The following RP1 variants were observed in gnomAD, a reference collection of about 807,000 sequenced individuals.
RP1 encodes the protein RP1 axonemal microtubule associated.
A neutral mutation model predicts 14.8 loss-of-function variants in RP1; 16 were observed. The observed-to-expected ratio is 1.08, with a 90% CI of 0.73 to 1.65. The LOEUF (loss-of-function observed/expected upper bound fraction) is 1.65, where lower values mean the gene tolerates loss of function less well. Ranked by LOEUF, RP1 falls within the 40% of genes most tolerant of loss-of-function variation. The pLI, the probability that RP1 is intolerant of heterozygous loss-of-function variation, is 0.00. For synonymous variants in RP1, 876 were observed against 883.6 expected, an observed-to-expected ratio of 0.99 and a Z score of 0.15; for missense variants, 2,631 against 2,535.0, an observed-to-expected ratio of 1.04 and a Z score of -0.81.
At chr8:54,581,835 C>G (rs938717892) in intron 1 of RP1, among the ~76,000 whole-genome samples, 24 of 152,096 alleles carry the variant, frequency 1.6e-4, no homozygotes, top group Non-Finnish European at 4.4e-5. Context: ...TATCCTTTGC[C>G]CACTTGTTGA....
chr8:54,660,312 A>C (rs1806857895), intron 6 of RP1, among the ~76,000 whole-genome samples: 1 of 152,086 alleles, frequency 6.6e-6, no homozygotes, highest in African/African-American at 2.4e-5. Flanking sequence ...GTTAGCTGTG[A>C]GCTTTTTATA....
At chr8:54,656,118 T>A in exon 6 of RP1, 1 of 1,534,416 alleles carries the variant, frequency 6.5e-7, no homozygotes, top group Non-Finnish European at 8.7e-7. Flanking sequence ...GAAAACAGTT[T>A]TATGTACCTG....
rs1263750845 is a variant in RP1 at position 54,621,533 on chromosome 8, G to A, written c.567G>A (p.Glu189=). The A allele has an allele frequency of 1.9e-6, 3 of 1,614,208 alleles. No homozygotes were observed. Among genetic ancestry groups the A allele is most frequent in the African/African-American group, 1.3e-5 (1 of 75,066 alleles). Reference sequence around the variant, plus strand: ...AGGCATTTCTACAGCACCTGACAGAGGTCATGCAGCGCCCTGTGGTCAAGC... The same window carrying A: ...AGGCATTTCTACAGCACCTGACAGAAGTCATGCAGCGCCCTGTGGTCAAGC... The part of the protein sequence containing the change: ...SFEAFLQHLT[E]VMQRPVVKLY... The change falls in exon 2 of 4, where the codon GAG becomes GAA. Residue 189 remains glutamate, a synonymous_variant. Coordinates refer to ENST00000220676, the MANE Select transcript of RP1 (RefSeq NM_006269.2).
At chr8:54,696,852 T>A in intron 12 of RP1, 1 of 754,358 alleles carries the variant, frequency 1.3e-6, no homozygotes, top group South Asian at 1.4e-5. Context: ...CAGTAACTCA[T>A]TTTGAAATGT....
intron 25 of RP1, among the ~76,000 whole-genome samples, chr8:54,844,432 T>C (rs1811864441): frequency 1.3e-5 from 2 of 152,210 alleles, no homozygotes; most frequent in South Asian, 2.1e-4. Flanking sequence ...TGGATTTCAC[T>C]GGGGTGTAAT....
chr8:54,743,978 AT>A (rs1809161258), intron 19 of RP1, among the ~76,000 whole-genome samples: 1 of 152,170 alleles, frequency 6.6e-6, no homozygotes, highest in African/African-American at 2.4e-5. Flanking sequence ...TGAGTTTTTC[AT>A]TCCTCTCTTG....
chr8:54,807,611 TC>T (rs1810884222), intron 24 of RP1, among the ~76,000 whole-genome samples: 1 of 152,146 alleles, frequency 6.6e-6, no homozygotes, highest in Non-Finnish European at 1.5e-5. Context: ...TGTGTGTGCA[TC>T]TCTATCTACC....
chr8:54,629,887 G>C lies in RP1; in HGVS notation c.6005G>C (p.Gly2002Ala), dbSNP rs771140153. The C allele has an allele frequency of 7.4e-6, 12 of 1,613,668 alleles. No individual in the cohort carries two copies. The South Asian group carries it at 1.1e-4, about 15-fold the overall frequency. ...FYFSNTFDLM[G>A]KRRKQKRINF... ...TTCAGTAACACATTTGACTTGATGG[G>C]TAAAAGAAGAAAACAAAAAAGAATT... Residue 2002 changes from glycine to alanine, a missense_variant, in exon 4 of 4, where the codon GGT becomes GCT. Physicochemically the swap from Gly to Ala is moderately conservative, Grantham distance 60. Transcript: ENST00000220676.
In RP1 at chr8:54,625,319, G is replaced by T. The variant is rs763655583; in HGVS notation, c.1437G>T (p.Met479Ile). 6.8e-6 allele frequency: 11 copies of T among 1,614,160 alleles called. No homozygotes were observed. The East Asian group carries it at 2.5e-4, about 36-fold the overall frequency. Residue 479 changes from methionine (M) to isoleucine (I), a missense_variant, in exon 4 of 4, where the codon ATG becomes ATT. Transcript: ENST00000220676. ...LVSETEVQEKMIGQFSYSEER... is the reference protein window; with the variant it reads ...LVSETEVQEKIIGQFSYSEER... ...CTGAAACTGAGGTTCAAGAGAAAAT[G>T]ATTGGACAGTTTTCATATAGTGAAG...
intron 4 of RP1, chr8:54,649,275 A>G (rs1806610333): frequency 2.6e-6 from 2 of 756,038 alleles, no homozygotes; most frequent in Non-Finnish European, 3.7e-6. Flanking sequence ...AAAATAATTT[A>G]TGGAAGTTTT....
At chr8:54,771,408 C>G (rs1809902473), downstream of RP1, among the ~76,000 whole-genome samples, 1 of 151,938 alleles carries the variant, frequency 6.6e-6, no homozygotes. Context: ...CTGAAAGTAT[C>G]AGAAGTCCTT....
At chr8:54,814,314 T>C (rs1457817554) in intron 24 of RP1, among the ~76,000 whole-genome samples, 1 of 152,140 alleles carries the variant, frequency 6.6e-6, no homozygotes, top group Non-Finnish European at 1.5e-5. Flanking sequence ...GTATGAGCCT[T>C]AAAGTGGATA....
chr8:54,809,088 C>A (rs1225280252), intron 24 of RP1, among the ~76,000 whole-genome samples: 1 of 152,262 alleles, frequency 6.6e-6, no homozygotes, highest in Non-Finnish European at 1.5e-5. Context: ...TGTTCCTTAA[C>A]AATTTAGCTA....
At chr8:54,816,007 C>A (rs532322972) in intron 24 of RP1, among the ~76,000 whole-genome samples, 2 of 152,306 alleles carry the variant, frequency 1.3e-5, no homozygotes, top group African/African-American at 4.8e-5. Flanking sequence ...CCTTACAGAT[C>A]TCTTACCTAC....
exon 29 of RP1, chr8:54,870,606 C>G (rs1285714221): frequency 6.6e-6 from 1 of 152,174 alleles, no homozygotes; most frequent in Non-Finnish European, 1.5e-5. Context: ...TATCTCACAT[C>G]CATCGGTCAC....
chr8:54,827,063 G>A (rs1183318963), intron 24 of RP1, among the ~76,000 whole-genome samples: 1 of 152,176 alleles, frequency 6.6e-6, no homozygotes, highest in African/African-American at 2.4e-5. Flanking sequence ...CCTGTACAGG[G>A]CACTTACCAT....
intron 1 of RP1, among the ~76,000 whole-genome samples, chr8:54,587,025 C>T (rs1218230189): frequency 6.6e-6 from 1 of 152,194 alleles, no homozygotes; most frequent in Non-Finnish European, 1.5e-5. Flanking sequence ...CTGACACTCC[C>T]CAGTGAGATG....
Position 54,626,415 on chromosome 8 carries a change from G to A in RP1, c.2533G>A (p.Gly845Arg), listed in dbSNP as rs1191160780. 6.2e-7 allele frequency: 1 copy of A among 1,613,482 alleles called. No individual in the cohort carries two copies. Among genetic ancestry groups the A allele is most frequent in the African/African-American group, 1.3e-5 (1 of 74,832 alleles). ...GCAATCTCAAGCAGAAGTGGCATCT[G>A]GGTATTTGAGAGGAATGGCAAAGAA... ...APQSQAEVASGYLRGMAKKSL... is the reference protein window; with the variant it reads ...APQSQAEVASRYLRGMAKKSL... Residue 845 changes from glycine to arginine, a missense_variant, in exon 4 of 4, where the codon GGG becomes AGG. Coordinates refer to ENST00000220676, the MANE Select transcript of RP1 (RefSeq NM_006269.2).
intron 24 of RP1, among the ~76,000 whole-genome samples, chr8:54,829,883 G>C (rs527875396): frequency 1.3e-5 from 2 of 152,100 alleles, no homozygotes; most frequent in African/African-American, 4.8e-5. Context: ...TGGGGAGGGG[G>C]AAAGGACAAC....
Sources: gnomAD v4.1 joint callset for allele counts (sites outside exome capture counted in the v4.1 genomes callset) on GRCh38, gnomAD v4.1.1 for gene constraint, MANE v1.5 for transcripts, NCBI Gene and HGNC (gene_info 2026-07-23, HGNC 2026-07-21) for gene names.